The following ARHGAP35 variants were observed in gnomAD, a reference collection of about 807,000 sequenced individuals.
ARHGAP35 encodes rho GTPase-activating protein 35.
Under a neutral mutation model 111.1 loss-of-function variants are expected in ARHGAP35, and 15 were observed. The ratio of observed to expected loss-of-function variants is 0.13; its 90% CI spans 0.09 to 0.21. The LOEUF is 0.21. ARHGAP35 is among the 10% of genes least tolerant of loss of function. ARHGAP35 has a pLI of 1.00. For missense variants in ARHGAP35, 1,262 were observed against 1,873.0 expected (o/e 0.67, Z 6.02); for synonymous variants, 643 against 710.3 (o/e 0.91, Z 1.51).
At chr19:46,939,865 C>T (rs1240465426) in intron 3 of ARHGAP35, among the ~76,000 whole-genome samples, 1 of 152,054 alleles carries the variant, frequency 6.6e-6, no homozygotes, top group Non-Finnish European at 1.5e-5. Context: ...CATCAGTTTT[C>T]CCACTACCTT....
At chr19:46,933,256 A>ACTG (rs1440014935) in intron 2 of ARHGAP35, among the ~76,000 whole-genome samples, 1 of 144,254 alleles carries the variant, frequency 6.9e-6, no homozygotes, top group Non-Finnish European at 1.5e-5. Flanking sequence ...CAATCCTCCC[A>ACTG]CTGCAGCCTC....
rs1451943213 is a variant in ARHGAP35, at chr19:46,922,394, AC to A, written c.3681+39del. On this transcript the variant is annotated intron_variant, in intron 2 of 6. Coordinates refer to ENST00000672722, the MANE Select transcript of ARHGAP35 (RefSeq NM_004491.5). The surrounding 1 kb of genome is among the most constrained non-coding windows in gnomAD (Gnocchi z 4.0). ...TCTAGGATTAGTCATAGTGTTTTGT[AC>A]AGCGTCTCGGTGAGGGTTGATTGAT... 1 of 1,489,890 alleles carries A rather than the reference AC, an allele frequency of 6.7e-7. No homozygotes were observed. The highest frequency in any genetic ancestry group is 1.4e-5 in the African/African-American group (1 of 71,214). 92.3% of individuals were successfully genotyped at this position (1,489,890 alleles called of 1,614,324 possible).
intron 1 of ARHGAP35, among the ~76,000 whole-genome samples, chr19:46,891,463 T>A (rs1028307150): frequency 4.0e-5 from 6 of 151,490 alleles, no homozygotes; most frequent in Non-Finnish European, 2.9e-5. Context: ...AGTCTCGCTC[T>A]GTAACCAGGC....
chr19:46,867,123 AT>A (rs1300791291), intron 1 of ARHGAP35, among the ~76,000 whole-genome samples: 1 of 152,248 alleles, frequency 6.6e-6, no homozygotes, highest in Non-Finnish European at 1.5e-5. Context: ...GAGAAATGCC[AT>A]TAAGTTGATA....
At chr19:46,872,765 C>T (rs2055894564) in intron 1 of ARHGAP35, among the ~76,000 whole-genome samples, 1 of 151,660 alleles carries the variant, frequency 6.6e-6, no homozygotes, top group Non-Finnish European at 1.5e-5. Context: ...CCTGTAGTCC[C>T]AGCTACTCAG....
chr19:46,861,325 AG>A (rs1379696660), intron 1 of ARHGAP35, among the ~76,000 whole-genome samples, 116 bp downstream of exon 1: 1 of 140,626 alleles, frequency 7.1e-6, no homozygotes, highest in Non-Finnish European at 1.5e-5. Context: ...GAGGAGCTGG[AG>A]GGGGAGGGGA....
chr19:46,952,318 T>C (rs1158673006), intron 3 of ARHGAP35, among the ~76,000 whole-genome samples: 1 of 152,224 alleles, frequency 6.6e-6, no homozygotes, highest in Non-Finnish European at 1.5e-5. Context: ...AAATTTATGA[T>C]CCTCCAAATA....
At chr19:46,904,445 G>A (rs2056095771) in intron 1 of ARHGAP35, among the ~76,000 whole-genome samples, 1 of 152,188 alleles carries the variant, frequency 6.6e-6, no homozygotes, top group African/African-American at 2.4e-5. Context: ...TTCTGTCAGC[G>A]AGACACAGGG....
At chr19:46,880,823 A>G (rs914338880) in intron 1 of ARHGAP35, among the ~76,000 whole-genome samples, 3 of 150,880 alleles carry the variant, frequency 2.0e-5, no homozygotes, top group African/African-American at 7.3e-5. Flanking sequence ...CTACAGGCAC[A>G]TGCTGCCATG....
Position 46,921,869 on chromosome 19 carries a change from A to T in ARHGAP35, c.3194A>T (p.Asp1065Val). Residue 1065 changes from aspartate to valine, a missense_variant, in exon 2 of 7, where the codon GAT (aspartate) becomes GTT (valine). Physicochemically the swap from Asp to Val is radical, Grantham distance 152. Transcript: ENST00000672722. This position sits in a 1 kb window ranked among gnomAD's most constrained non-coding sequence, Gnocchi z 4.3. ...TCTTATTTAGACCAAGGCCATAGGG[A>T]TGGACAGAGGAAGTCTGTGTCTTCT... ...DLSYLDQGHR[D>V]GQRKSVSSSP... 1 of 1,613,988 alleles carries T rather than the reference A, an allele frequency of 6.2e-7. No individual in the cohort carries two copies. Among genetic ancestry groups the T allele is most frequent in the Non-Finnish European group, 8.5e-7 (1 of 1,179,874 alleles).
At chr19:46,912,849 C>T (rs890828100) in intron 1 of ARHGAP35, among the ~76,000 whole-genome samples, 4 of 149,820 alleles carry the variant, frequency 2.7e-5, no homozygotes, top group Non-Finnish European at 1.5e-5. Context: ...AACATTTTAA[C>T]CAGCTGCTAA....
At chr19:46,880,107 A>ATAAATAAT (rs1329690855) in intron 1 of ARHGAP35, among the ~76,000 whole-genome samples, 1 of 151,930 alleles carries the variant, frequency 6.6e-6, no homozygotes, top group Non-Finnish European at 1.5e-5. Flanking sequence ...AAATAAATAA[A>ATAAATAAT]TAAATAAATA....
At chr19:46,968,435 C>T (rs932898354) in intron 3 of ARHGAP35, among the ~76,000 whole-genome samples, 1 of 152,116 alleles carries the variant, frequency 6.6e-6, no homozygotes, top group African/African-American at 2.4e-5. Flanking sequence ...GCCTGCTGTC[C>T]CTCGGCTGGA....
chr19:46,987,310 G>A (rs953983159), intron 3 of ARHGAP35, among the ~76,000 whole-genome samples: 3 of 150,032 alleles, frequency 2.0e-5, no homozygotes, highest in Non-Finnish European at 3.0e-5. Flanking sequence ...CCGCTTCCTG[G>A]GTTCAAGCAA....
intron 3 of ARHGAP35, among the ~76,000 whole-genome samples, chr19:46,961,106 G>C (rs2056479946): frequency 6.6e-6 from 1 of 152,054 alleles, no homozygotes; most frequent in African/African-American, 2.4e-5. Flanking sequence ...TGTTGGCCAG[G>C]CTGGTCTCGA....
chr19:47,000,522 C>T lies in ARHGAP35; in HGVS notation c.4334C>T (p.Pro1445Leu), dbSNP rs962168749. The T allele has an allele frequency of 6.2e-7, 1 of 1,613,634 alleles. No individual in the cohort carries two copies. ...FFYNRPITEP[P>L]GARPSSPSAV... The stretch of plus-strand genomic sequence containing the variant: ...TACAATCGGCCCATCACCGAGCCCC[C>T]CGGCGCCAGGCCCAGCTCCCCCTCT... Residue 1445 changes from proline (P) to leucine (L), a missense_variant, in exon 7 of 7, where the codon CCC becomes CTC. This residue lies in a region of ARHGAP35 where 75 missense variants were observed against 87.0 expected (regional missense o/e 0.86). Coordinates refer to ENST00000672722, the MANE Select transcript of ARHGAP35 (RefSeq NM_004491.5). This position sits in a 1 kb window ranked among gnomAD's most constrained non-coding sequence, Gnocchi z 6.9.
Position 46,877,248 on chromosome 19 carries a change from CAAAAAAA to C in ARHGAP35, c.-189+16055_-189+16061del, listed in dbSNP as rs35968599. Among the ~76,000 whole-genome samples, 208 of 89,850 alleles carry C rather than the reference CAAAAAAA, an allele frequency of 2.3e-3. 2 individuals are homozygous for C. The highest frequency in any genetic ancestry group is 2.6e-3 in the Non-Finnish European group (124 of 48,112). The allele number at this position is 89,850 out of a possible 152,430, so 58.9% of individuals were successfully genotyped here. On this transcript the variant is annotated intron_variant, in intron 1 of 6. Coordinates refer to ENST00000672722, the MANE Select transcript of ARHGAP35 (RefSeq NM_004491.5). ...GCCTGGGTAGCGAGTAAAACTGTCTCAAAAAAAAAAAAAAAAAAAAAAGTTATGTTTT... is the reference window on the plus strand; with the variant it reads ...GCCTGGGTAGCGAGTAAAACTGTCTCAAAAAAAAAAAAAAAGTTATGTTTT...
At chr19:46,955,112 A>G (rs1216275842) in intron 3 of ARHGAP35, among the ~76,000 whole-genome samples, 1 of 152,204 alleles carries the variant, frequency 6.6e-6, no homozygotes, top group Non-Finnish European at 1.5e-5. Flanking sequence ...TGTCGTTTCA[A>G]TATCACTAAC....
intron 1 of ARHGAP35, among the ~76,000 whole-genome samples, chr19:46,885,593 A>C (rs1445920556): frequency 6.6e-6 from 1 of 152,086 alleles, no homozygotes. Flanking sequence ...TTCATATACT[A>C]ACCTTGATCA....
Sources: allele counts gnomAD v4.1 joint callset (sites outside exome capture counted in the v4.1 genomes callset), GRCh38; gene constraint gnomAD v4.1.1; regional missense constraint gnomAD v4.1.1; non-coding constraint Gnocchi (gnomAD v3.1); transcripts MANE v1.5; gene names NCBI Gene and HGNC (gene_info 2026-07-23, HGNC 2026-07-21).